RGS6: variants seen among roughly 807,000 people sequenced by gnomAD.
RGS6 encodes the protein regulator of G-protein signaling 6.
Under a neutral mutation model 78.5 loss-of-function variants are expected in RGS6, and 30 were observed. The observed-to-expected ratio is 0.38, with a 90% CI of 0.29 to 0.52. The LOEUF is 0.52. RGS6 is among the 20% of genes least tolerant of loss of function. The pLI is 0.85. For synonymous variants in RGS6, 206 were observed against 206.0 expected (o/e 1.00, Z 0.00); for missense variants, 495 against 609.7 (o/e 0.81, Z 1.98).
chr14:72,193,266 T>C (rs1275678741), intron 2 of RGS6, among the ~76,000 whole-genome samples: 1 of 152,190 alleles, frequency 6.6e-6, no homozygotes, highest in Non-Finnish European at 1.5e-5. Context: ...AGTTCTGGGA[T>C]TTCAGGCATG....
At chr14:72,328,735 C>T (rs936928577) in intron 2 of RGS6, among the ~76,000 whole-genome samples, 22 of 152,054 alleles carry the variant, frequency 1.4e-4, no homozygotes, top group Non-Finnish European at 2.6e-4. Flanking sequence ...AGGAACAAGA[C>T]GAAATGGGTG....
chr14:72,613,873 G>A, the RGS6 span, among the ~76,000 whole-genome samples: 1 of 152,216 alleles, frequency 6.6e-6, no homozygotes, highest in Admixed American at 6.5e-5. Context: ...GCTGCTGAGA[G>A]GCTCTAAGGC....
intron 2 of RGS6, among the ~76,000 whole-genome samples, chr14:72,332,649 C>T (rs1215495995): frequency 6.6e-6 from 1 of 152,160 alleles, no homozygotes; most frequent in Non-Finnish European, 1.5e-5. Context: ...TCTGCAAGCA[C>T]CCAGCTCCTC....
intron 2 of RGS6, among the ~76,000 whole-genome samples, chr14:72,191,897 G>C (rs1019759571): frequency 1.3e-5 from 2 of 152,140 alleles, no homozygotes; most frequent in African/African-American, 4.8e-5. Context: ...TCGATCAAGT[G>C]CTCCTTCCCT....
intron 2 of RGS6, among the ~76,000 whole-genome samples, chr14:72,205,502 G>C (rs965924409): frequency 6.6e-6 from 1 of 152,080 alleles, no homozygotes; most frequent in African/African-American, 2.4e-5. Flanking sequence ...AACAATTCAG[G>C]GTCTCATTCC....
chr14:72,018,233 A>C (rs1008553480), intron 2 of RGS6, among the ~76,000 whole-genome samples: 5 of 151,986 alleles, frequency 3.3e-5, no homozygotes, highest in African/African-American at 1.2e-4. Flanking sequence ...TTGAATGTTG[A>C]ATTTTATCAA....
At chr14:72,091,528 T>A (rs1321250497) in intron 2 of RGS6, among the ~76,000 whole-genome samples, 1 of 152,192 alleles carries the variant, frequency 6.6e-6, no homozygotes. Flanking sequence ...TTTTGACTCA[T>A]CTGAGGTTGA....
At chr14:72,567,962 A>C (rs557112948), downstream of RGS6, among the ~76,000 whole-genome samples, 1 of 152,242 alleles carries the variant, frequency 6.6e-6, no homozygotes, top group South Asian at 2.1e-4. Flanking sequence ...GACCCCATAC[A>C]CAGAGGAGCA....
Position 72,070,158 on chromosome 14 carries a change from C to CTG in RGS6, c.84+105295_84+105296dup, listed in dbSNP as rs542107919. ...TCTCTCTCTCTCTCTCTGTCTCTCT[C>CTG]TGTGTGTGTGTGTAAGGGAGAGAAT... On this transcript the variant is annotated intron_variant, in intron 2 of 17. Coordinates refer to ENST00000553525, the MANE Select transcript of RGS6 (RefSeq NM_001204424.2). 3.9e-3 allele frequency among the ~76,000 whole-genome samples: 594 copies of CTG among 151,892 alleles called. 4 individuals are homozygous for CTG. The highest frequency in any genetic ancestry group is 0.013 in the African/African-American group (540 of 41,424).
At chr14:72,256,030 G>A (rs2057003932) in intron 2 of RGS6, among the ~76,000 whole-genome samples, 2 of 152,136 alleles carry the variant, frequency 1.3e-5, no homozygotes, top group Admixed American at 6.6e-5. Context: ...ACAGCCCAGT[G>A]GTTCTTCTTG....
intron 10 of RGS6, 55 bp from the exon 11 acceptor site, chr14:72,476,687 A>G: frequency 4.0e-6 from 6 of 1,498,776 alleles, no homozygotes; most frequent in Non-Finnish European, 5.6e-6. Context: ...CTGACCCCTA[A>G]GCCACCCTCC....
At chr14:72,208,556 A>G (rs1375326141) in intron 2 of RGS6, among the ~76,000 whole-genome samples, 3 of 152,170 alleles carry the variant, frequency 2.0e-5, no homozygotes, top group East Asian at 3.9e-4. Flanking sequence ...ATGAGACCTT[A>G]AGGTCTGTGA....
intron 2 of RGS6, among the ~76,000 whole-genome samples, chr14:72,245,143 G>C (rs112173658): frequency 6.6e-6 from 1 of 152,204 alleles, no homozygotes; most frequent in Non-Finnish European, 1.5e-5. Flanking sequence ...ATTGGCTGGG[G>C]CCCCTATAAC....
At chr14:72,138,037 TATTTTGGAG>T (rs2096475171) in intron 2 of RGS6, among the ~76,000 whole-genome samples, 1 of 152,108 alleles carries the variant, frequency 6.6e-6, no homozygotes, top group East Asian at 1.9e-4. Context: ...AAAGGACGCT[TATTTTGGAG>T]ATTCCAAGGG....
chr14:72,557,170 T>G (rs2097591059), intron 17 of RGS6, among the ~76,000 whole-genome samples: 1 of 152,236 alleles, frequency 6.6e-6, no homozygotes, highest in African/African-American at 2.4e-5. Context: ...CCATTTCCTA[T>G]GCCCCACCTT....
At chr14:72,022,533 T>C (rs1029443008) in intron 2 of RGS6, 3 of 152,204 alleles carry the variant, frequency 2.0e-5, no homozygotes, top group Admixed American at 1.3e-4. Flanking sequence ...ACAATTATGA[T>C]TCCCATTTTG....
intron 1 of RGS6, among the ~76,000 whole-genome samples, chr14:71,959,972 A>G (rs1028347797): frequency 6.6e-6 from 1 of 152,202 alleles, no homozygotes; most frequent in African/African-American, 2.4e-5. Context: ...TGTGATTCCC[A>G]GTCTGACTTC....
chr14:72,572,830 G>T, the RGS6 span, among the ~76,000 whole-genome samples: 1 of 151,586 alleles, frequency 6.6e-6, no homozygotes, highest in Non-Finnish European at 1.5e-5. Flanking sequence ...TTTCAGTAAA[G>T]CTGCTAAAAA....
At chr14:72,356,045 A>G (rs2080203324) in intron 3 of RGS6, among the ~76,000 whole-genome samples, 1 of 152,158 alleles carries the variant, frequency 6.6e-6, no homozygotes, top group Non-Finnish European at 1.5e-5. Context: ...TTTCAATGAG[A>G]TCACTCTATT....
Sources: allele counts gnomAD v4.1 joint callset (sites outside exome capture counted in the v4.1 genomes callset), GRCh38; gene constraint gnomAD v4.1.1; transcripts MANE v1.5; gene names NCBI Gene and HGNC (gene_info 2026-07-23, HGNC 2026-07-21).